Variants in THADA observed in about 807,000 individuals in gnomAD.
THADA encodes THADA armadillo repeat containing.
THADA carries 213 observed loss-of-function variants against 219.8 expected under a neutral mutation model. The ratio of observed to expected loss-of-function variants is 0.97; its 90% confidence interval spans 0.87 to 1.09. The LOEUF (loss-of-function observed/expected upper bound fraction) is 1.09. Among genes scored for constraint, THADA ranks in the 50% least tolerant of loss-of-function variants. THADA has a pLI of 0.00. For synonymous variants in THADA, 1,018 were observed against 828.9 expected, an observed-to-expected ratio of 1.23 and a Z score of -3.92; for missense variants, 2,956 against 2,311.3, an observed-to-expected ratio of 1.28 and a Z score of -5.72.
intron 36 of THADA, among the ~76,000 whole-genome samples, chr2:43,237,231 G>C (rs1668137210): frequency 6.6e-6 from 1 of 151,972 alleles, no homozygotes; most frequent in Non-Finnish European, 1.5e-5. Flanking sequence ...TTTTGACAAG[G>C]GTACCAAAAT....
chr2:43,300,369 A>G (rs1676115202), intron 31 of THADA, among the ~76,000 whole-genome samples: 1 of 152,158 alleles, frequency 6.6e-6, no homozygotes, highest in Admixed American at 6.5e-5. Context: ...TAACTCTTTA[A>G]TGAGGTAGGC....
At chr2:43,335,994 G>A (rs1020437389) in intron 30 of THADA, among the ~76,000 whole-genome samples, 18 of 151,888 alleles carry the variant, frequency 1.2e-4, no homozygotes, top group Admixed American at 4.6e-4. Flanking sequence ...CTACTCAGGA[G>A]GCTGAGGCAG....
In THADA at chr2:43,574,908, G is replaced by A; in HGVS notation, c.1157C>T (p.Ser386Leu). The A allele has an allele frequency of 6.2e-7, 1 of 1,613,964 alleles. No homozygotes were observed. Among genetic ancestry groups the A allele is most frequent in the Non-Finnish European group, 8.5e-7 (1 of 1,179,886 alleles). The change falls in exon 11 of 38, where the codon TCA becomes TTA. Residue 386 changes from serine to leucine, a missense_variant. Coordinates refer to ENST00000405975, the MANE Select transcript of THADA (RefSeq NM_022065.5). ...PSLTDSLNGN[S>L]SIVGRLLEYV... ...TTCCAAAAGTCTCCCAACTATACTTGAATTCCCATTCAGGCTGTCCGTTAG... is the reference window on the plus strand; with the variant it reads ...TTCCAAAAGTCTCCCAACTATACTTAAATTCCCATTCAGGCTGTCCGTTAG...
chr2:43,483,740 C>T (rs894934582), intron 26 of THADA, among the ~76,000 whole-genome samples: 3 of 151,352 alleles, frequency 2.0e-5, no homozygotes, highest in African/African-American at 7.3e-5. Flanking sequence ...ATCATTTTCT[C>T]CTATACATAG....
At chr2:43,432,247 C>T (rs1052402501) in intron 26 of THADA, among the ~76,000 whole-genome samples, 7 of 152,140 alleles carry the variant, frequency 4.6e-5, no homozygotes, top group African/African-American at 9.7e-5. Flanking sequence ...ACCTCAGCCT[C>T]CCAAAGTTCT....
intron 36 of THADA, among the ~76,000 whole-genome samples, chr2:43,258,477 G>A (rs1178292993): frequency 3.3e-5 from 5 of 152,170 alleles, no homozygotes; most frequent in African/African-American, 9.7e-5. Context: ...AGCCGAGATC[G>A]TGCCATTGCA....
chr2:43,287,625 G>C (rs1469781951), intron 34 of THADA, among the ~76,000 whole-genome samples: 1 of 152,150 alleles, frequency 6.6e-6, no homozygotes, highest in Non-Finnish European at 1.5e-5. Context: ...ATGCAAATCA[G>C]GTTATGAGAA....
intron 30 of THADA, among the ~76,000 whole-genome samples, chr2:43,337,034 T>C (rs888630477): frequency 1.3e-5 from 2 of 152,154 alleles, no homozygotes; most frequent in Non-Finnish European, 2.9e-5. Flanking sequence ...TGAAATTTCC[T>C]CAGTTTAAAA....
chr2:43,508,808 G>C (rs367571161), intron 22 of THADA, 28 bp from the exon 23 acceptor site: 1 of 1,607,418 alleles, frequency 6.2e-7, no homozygotes, highest in Non-Finnish European at 8.5e-7. Flanking sequence ...TCAAATATTC[G>C]GAATTAGGTA....
intron 22 of THADA, among the ~76,000 whole-genome samples, chr2:43,525,980 G>A (rs1483242925): frequency 6.6e-6 from 1 of 152,104 alleles, no homozygotes; most frequent in Non-Finnish European, 1.5e-5. Context: ...TTTCCAACCA[G>A]AAAACTGCTT....
At chr2:43,435,472 GGGAGGGAGGGAA>G (rs1429944666) in intron 26 of THADA, among the ~76,000 whole-genome samples, 2 of 151,150 alleles carry the variant, frequency 1.3e-5, no homozygotes, top group East Asian at 1.9e-4. Flanking sequence ...GAGGAAGGAA[GGGAGGGAGGGAA>G]GGAGGGAGGG....
chr2:43,358,056 C>G (rs188778903), intron 29 of THADA, among the ~76,000 whole-genome samples: 1 of 152,186 alleles, frequency 6.6e-6, no homozygotes, highest in African/African-American at 2.4e-5. Flanking sequence ...GTATTATTAA[C>G]CAGACTGCAT....
At chr2:43,283,173 G>T (rs1397301964) in intron 35 of THADA, among the ~76,000 whole-genome samples, 2 of 152,184 alleles carry the variant, frequency 1.3e-5, no homozygotes, top group Non-Finnish European at 2.9e-5. Flanking sequence ...CTTCTGCCAT[G>T]ATTGTAAGTT....
intron 26 of THADA, among the ~76,000 whole-genome samples, chr2:43,442,531 A>C (rs1384935229): frequency 1.3e-5 from 2 of 152,208 alleles, no homozygotes; most frequent in Admixed American, 1.3e-4. Flanking sequence ...CATGCAAGGG[A>C]AAAGTACTTA....
chr2:43,564,957 A>G (rs1698493555), intron 15 of THADA: 1 of 152,182 alleles, frequency 6.6e-6, no homozygotes, highest in South Asian at 2.1e-4. Context: ...TGCTTCCCAG[A>G]TTGTAGGAAG....
intron 24 of THADA, among the ~76,000 whole-genome samples, chr2:43,502,584 CA>C (rs1172070049): frequency 3.3e-3 from 247 of 74,200 alleles, no homozygotes; most frequent in Middle Eastern, 0.029. Flanking sequence ...GACCTCGTCT[CA>C]AAAAAAAAAA....
At chr2:43,369,867 G>A (rs537115954) in intron 29 of THADA, among the ~76,000 whole-genome samples, 1 of 152,258 alleles carries the variant, frequency 6.6e-6, no homozygotes, top group African/African-American at 2.4e-5. Context: ...CTGTGAGTAT[G>A]GACTGAAAAT....
intron 26 of THADA, among the ~76,000 whole-genome samples, chr2:43,483,076 T>G (rs751819100): frequency 3.9e-5 from 6 of 152,152 alleles, no homozygotes; most frequent in Non-Finnish European, 5.9e-5. Flanking sequence ...TCTTTTTATG[T>G]CCAGTTCCCT....
chr2:43,498,784 A>C (rs769050240), intron 25 of THADA, 49 bp downstream of exon 25: 342 of 1,588,894 alleles, frequency 2.2e-4, no homozygotes, highest in Non-Finnish European at 2.8e-4. Context: ...ATTAAAACCT[A>C]CTCAGAAGCA....
Sources: allele counts gnomAD v4.1 joint callset (sites outside exome capture counted in the v4.1 genomes callset), GRCh38; gene constraint gnomAD v4.1.1; transcripts MANE v1.5; gene names NCBI Gene and HGNC (gene_info 2026-07-23, HGNC 2026-07-21).